LIN52: variants seen among roughly 807,000 people sequenced by gnomAD.
The protein encoded by LIN52 is lin-52 DREAM MuvB core complex component, also known as protein lin-52 homolog.
LIN52 carries 4 observed loss-of-function variants against 18.5 expected under a neutral mutation model. That is an observed-to-expected ratio of 0.22 (90% CI 0.11 to 0.49). The LOEUF is 0.49. Ranked by LOEUF, LIN52 falls within the 20% of genes least tolerant of loss-of-function variation. The pLI, the probability that LIN52 is intolerant of heterozygous loss-of-function variation, is 0.97. For missense variants in LIN52, 102 were observed against 139.5 expected (o/e 0.73, Z 1.35); for synonymous variants, 34 against 45.5 (o/e 0.75, Z 1.02).
intron 5 of LIN52, among the ~76,000 whole-genome samples, chr14:74,126,614 A>T (rs2139931693): frequency 6.6e-6 from 1 of 152,384 alleles, no homozygotes; most frequent in Non-Finnish European, 1.5e-5. Context: ...ATTATACTAT[A>T]TGAAGGCAGT....
chr14:74,139,839 C>G (rs2061119642), intron 5 of LIN52, among the ~76,000 whole-genome samples: 1 of 152,076 alleles, frequency 6.6e-6, no homozygotes, highest in Admixed American at 6.5e-5. Flanking sequence ...TTCACATAGG[C>G]TTGATTATAA....
chr14:74,157,652 G>A (rs1463225231), intron 5 of LIN52, among the ~76,000 whole-genome samples: 2 of 151,266 alleles, frequency 1.3e-5, no homozygotes, highest in African/African-American at 4.9e-5. Flanking sequence ...TTTTTTCTGT[G>A]GAGATGGGAT....
At chr14:74,151,285 T>C (rs2061175812) in intron 5 of LIN52, among the ~76,000 whole-genome samples, 1 of 152,206 alleles carries the variant, frequency 6.6e-6, no homozygotes, top group Admixed American at 6.5e-5. Flanking sequence ...CTATTGTGAA[T>C]GAAGCAATAA....
chr14:74,111,606 GTATT>G (rs3082883), intron 5 of LIN52, among the ~76,000 whole-genome samples: 27,956 of 137,858 alleles, frequency 0.2, 3,250 homozygotes, highest in Non-Finnish European at 0.27. Context: ...CCTGCCCCTG[GTATT>G]TATTTATTTA....
At chr14:74,101,430 A>G (rs1566846872) in intron 5 of LIN52, among the ~76,000 whole-genome samples, 192 bp downstream of exon 5, 1 of 151,418 alleles carries the variant, frequency 6.6e-6, no homozygotes, top group Admixed American at 6.6e-5. Flanking sequence ...TGGAATAATT[A>G]CTGGATTTAC....
intron 5 of LIN52, among the ~76,000 whole-genome samples, chr14:74,187,040 G>A (rs1302813050): frequency 6.6e-6 from 1 of 152,068 alleles, no homozygotes. Flanking sequence ...TTGCACCACT[G>A]TACTCCAGCC....
chr14:74,116,132 G>A (rs1280382941), intron 5 of LIN52, among the ~76,000 whole-genome samples: 1 of 151,964 alleles, frequency 6.6e-6, no homozygotes, highest in East Asian at 1.9e-4. Flanking sequence ...GTGAAACCCT[G>A]TCTCTACTAA....
intron 5 of LIN52, among the ~76,000 whole-genome samples, chr14:74,108,121 T>C (rs1010634308): frequency 1.3e-5 from 2 of 152,216 alleles, no homozygotes; most frequent in African/African-American, 4.8e-5. Flanking sequence ...TGAAATCATA[T>C]AATATGTGGT....
intron 1 of LIN52, among the ~76,000 whole-genome samples, chr14:74,089,748 G>A (rs562740893): frequency 2.0e-5 from 3 of 152,160 alleles, no homozygotes; most frequent in Non-Finnish European, 4.4e-5. Context: ...CTTTAGAAAG[G>A]TTGGGAATGG....
intron 5 of LIN52, among the ~76,000 whole-genome samples, chr14:74,144,520 A>G (rs1183887363): frequency 6.6e-6 from 1 of 152,172 alleles, no homozygotes; most frequent in Non-Finnish European, 1.5e-5. Flanking sequence ...CATCTGAGAG[A>G]TTGTCTTCCC....
intron 5 of LIN52, among the ~76,000 whole-genome samples, chr14:74,164,727 T>C (rs573733726): frequency 6.6e-6 from 1 of 152,272 alleles, no homozygotes; most frequent in Admixed American, 6.5e-5. Context: ...ATAAAGGCAC[T>C]GACACTGGAA....
At chr14:74,118,563 C>T (rs920386068) in intron 5 of LIN52, among the ~76,000 whole-genome samples, 1 of 152,122 alleles carries the variant, frequency 6.6e-6, no homozygotes, top group Non-Finnish European at 1.5e-5. Context: ...CACTTGAGCT[C>T]AGGAATTCCA....
At chr14:74,161,184 A>AATTT (rs886912419) in intron 5 of LIN52, among the ~76,000 whole-genome samples, 17 of 151,884 alleles carry the variant, frequency 1.1e-4, no homozygotes, top group African/African-American at 2.9e-4. Context: ...AACAGGGAAA[A>AATTT]ATTTATTTAT....
At chr14:74,184,362 C>T (rs2061332100) in intron 5 of LIN52, among the ~76,000 whole-genome samples, 1 of 152,256 alleles carries the variant, frequency 6.6e-6, no homozygotes. Context: ...CCACCACACC[C>T]GGCCCCCACA....
At chr14:74,144,879 A>C (rs1269450460) in intron 5 of LIN52, among the ~76,000 whole-genome samples, 1 of 152,242 alleles carries the variant, frequency 6.6e-6, no homozygotes, top group African/African-American at 2.4e-5. Context: ...CTGAATCTTC[A>C]AACTCAACAT....
intron 2 of LIN52, among the ~76,000 whole-genome samples, chr14:74,095,408 T>C (rs1202749441): frequency 6.6e-6 from 1 of 152,060 alleles, no homozygotes; most frequent in Non-Finnish European, 1.5e-5. Flanking sequence ...GTGCTGGGAC[T>C]ACAGGCATGA....
At chr14:74,162,191 A>G (rs549092762) in intron 5 of LIN52, among the ~76,000 whole-genome samples, 7 of 152,316 alleles carry the variant, frequency 4.6e-5, no homozygotes, top group African/African-American at 1.7e-4. Context: ...ATAACAAAGC[A>G]TAAGTGTGAA....
chr14:74,149,557 G>C (rs2061167650), intron 5 of LIN52, among the ~76,000 whole-genome samples: 1 of 151,936 alleles, frequency 6.6e-6, no homozygotes, highest in Admixed American at 6.6e-5. Flanking sequence ...TTTGGGGAGG[G>C]GTTGCCATTA....
chr14:74,085,003 G>C lies in LIN52; in HGVS notation c.19+10G>C. Reference sequence around the variant, plus strand: ...GCGTCTCCCACAGACGGTAAGAGCCGGCTTAGAGATCTTTGCCTGCAGCCT... The same window carrying C: ...GCGTCTCCCACAGACGGTAAGAGCCCGCTTAGAGATCTTTGCCTGCAGCCT... On this transcript the variant is annotated intron_variant, in intron 1 of 5. Coordinates refer to ENST00000555028, the MANE Select transcript of LIN52 (RefSeq NM_001024674.3). 7.2e-7 allele frequency: 1 copy of C among 1,394,558 alleles called. No homozygotes were observed. The highest frequency in any genetic ancestry group is 9.4e-7 in the Non-Finnish European group (1 of 1,066,644). The allele number at this position is 1,394,558 out of a possible 1,614,324, so 86.4% of individuals were successfully genotyped here.
Sources: gnomAD v4.1 joint callset for allele counts (sites outside exome capture counted in the v4.1 genomes callset) on GRCh38, gnomAD v4.1.1 for gene constraint, MANE v1.5 for transcripts, NCBI Gene and HGNC (gene_info 2026-07-23, HGNC 2026-07-21) for gene names.